The following ARL13B variants were observed in gnomAD, a reference collection of about 807,000 sequenced individuals.
ARL13B encodes the protein ADP-ribosylation factor-like protein 13B.
A neutral mutation model predicts 56.1 loss-of-function variants in ARL13B; 36 were observed. The ratio of observed to expected loss-of-function variants is 0.64; its 90% CI spans 0.49 to 0.85. The LOEUF (loss-of-function observed/expected upper bound fraction) is 0.85. Among genes scored for constraint, ARL13B ranks in the 40% least tolerant of loss-of-function variants. The probability of loss-of-function intolerance (pLI) is 0.00; values close to 1 mark genes in which losing one functional copy is unlikely to be tolerated. For synonymous variants in ARL13B, 178 were observed against 171.1 expected, an observed-to-expected ratio of 1.04 and a Z score of -0.32; for missense variants, 519 against 507.1, an observed-to-expected ratio of 1.02 and a Z score of -0.23.
intron 3 of ARL13B, among the ~76,000 whole-genome samples, chr3:94,015,495 G>A (rs2107492618): frequency 6.6e-6 from 1 of 152,294 alleles, no homozygotes; most frequent in East Asian, 1.9e-4. Flanking sequence ...CTTTGCATGT[G>A]AGTGCTATTT....
At chr3:94,040,096 TGA>T in intron 6 of ARL13B, 108 bp downstream of exon 6, 1 of 899,454 alleles carries the variant, frequency 1.1e-6, no homozygotes, top group Non-Finnish European at 1.8e-6. Flanking sequence ...GTGTTTCTTC[TGA>T]GAGATTATTT....
At chr3:94,045,957 A>G (rs572874511) in intron 7 of ARL13B, among the ~76,000 whole-genome samples, 1 of 147,516 alleles carries the variant, frequency 6.8e-6, no homozygotes, top group African/African-American at 2.4e-5. Flanking sequence ...TCACAAAAAA[A>G]AAAAAAAAAA....
chr3:94,018,327 T>C (rs1004552062), intron 3 of ARL13B, among the ~76,000 whole-genome samples: 1 of 152,180 alleles, frequency 6.6e-6, no homozygotes, highest in Non-Finnish European at 1.5e-5. Flanking sequence ...TCAGGATATA[T>C]TTTTGAAACT....
At chr3:94,037,171 A>G (rs1357837355) in intron 5 of ARL13B, among the ~76,000 whole-genome samples, 5 of 152,196 alleles carry the variant, frequency 3.3e-5, no homozygotes, top group Admixed American at 3.3e-4. Flanking sequence ...TAAACATCCT[A>G]TGACACACAG....
chr3:94,045,749 A>T (rs570948815), intron 7 of ARL13B, among the ~76,000 whole-genome samples: 112 of 151,874 alleles, frequency 7.4e-4, no homozygotes, highest in African/African-American at 2.7e-3. Flanking sequence ...GATCACGAGG[A>T]CAGGAGATCG....
intron 5 of ARL13B, among the ~76,000 whole-genome samples, chr3:94,038,938 C>T (rs1227704037): frequency 6.6e-6 from 1 of 152,112 alleles, no homozygotes; most frequent in African/African-American, 2.4e-5. Context: ...CTGAATGATA[C>T]ATATGGTAAC....
intron 2 of ARL13B, among the ~76,000 whole-genome samples, chr3:93,999,629 G>A (rs1296936854): frequency 2.0e-5 from 3 of 151,996 alleles, no homozygotes; most frequent in Non-Finnish European, 2.9e-5. Flanking sequence ...ACTATAGTCT[G>A]CCTGTTGTGC....
At chr3:93,981,716 T>C (rs1710224440) in intron 1 of ARL13B, among the ~76,000 whole-genome samples, 1 of 151,604 alleles carries the variant, frequency 6.6e-6, no homozygotes, top group East Asian at 1.9e-4. Context: ...ACCCCGTTTC[T>C]ACAATAAAAT....
At chr3:94,003,636 T>C in intron 2 of ARL13B, 23 bp from the exon 3 acceptor site, 2 of 1,610,234 alleles carry the variant, frequency 1.2e-6, no homozygotes, top group Non-Finnish European at 1.7e-6. Flanking sequence ...AGATTTTCTT[T>C]TTTTGTGTAT....
chr3:93,987,087 C>T (rs547618177), intron 1 of ARL13B, among the ~76,000 whole-genome samples: 47 of 152,050 alleles, frequency 3.1e-4, no homozygotes, highest in Non-Finnish European at 6.2e-4. Flanking sequence ...TAATGTCATT[C>T]AGGAAAGATT....
At chr3:93,997,601 T>C (rs1337395559) in intron 2 of ARL13B, among the ~76,000 whole-genome samples, 1 of 152,238 alleles carries the variant, frequency 6.6e-6, no homozygotes, top group Non-Finnish European at 1.5e-5. Context: ...TGTAAAGAGC[T>C]GAGTAGTAAA....
At chr3:94,011,353 A>G (rs1263465497) in intron 3 of ARL13B, among the ~76,000 whole-genome samples, 2 of 152,140 alleles carry the variant, frequency 1.3e-5, no homozygotes, top group Non-Finnish European at 1.5e-5. Context: ...AAGTTATCAT[A>G]ACTGCCTGGT....
rs572418667 is a variant in ARL13B, at chr3:94,049,360, G to A, written c.1025-46G>A. On this transcript the variant is annotated intron_variant, in intron 7 of 9. Transcript: ENST00000394222. ...ATTCTTTGTTTTCTATTATAAAAGT[G>A]CACTTTTTCATAAAGACATGAAGTT... 5.5e-4 allele frequency: 625 copies of A among 1,134,416 alleles called. 13 individuals are homozygous for A. In the South Asian group the frequency reaches 7.6e-3, roughly 14 times the overall value. 70.3% of individuals were successfully genotyped at this position (1,134,416 alleles called of 1,614,324 possible). A position where few individuals can be genotyped will look rare whatever the true frequency, so the allele number is the denominator to read the frequency against.
At chr3:94,018,358 A>G (rs576540274) in intron 3 of ARL13B, among the ~76,000 whole-genome samples, 29 of 152,304 alleles carry the variant, frequency 1.9e-4, no homozygotes, top group African/African-American at 6.7e-4. Flanking sequence ...GGACTTGATG[A>G]TTTTAACCCA....
intron 1 of ARL13B, 63 bp from the exon 2 acceptor site, chr3:93,995,811 A>G: frequency 2.8e-6 from 4 of 1,431,636 alleles, no homozygotes; most frequent in Non-Finnish European, 2.9e-6. Flanking sequence ...ATGAATTTGC[A>G]TTTATTTTTC....
intron 2 of ARL13B, chr3:93,996,813 A>G: frequency 1.2e-5 from 2 of 169,676 alleles, no homozygotes; most frequent in South Asian, 2.6e-4. Context: ...GTGGACCAAT[A>G]TCTGTCTGTG....
intron 2 of ARL13B, among the ~76,000 whole-genome samples, chr3:94,000,036 A>G (rs1213601911): frequency 6.6e-6 from 1 of 152,166 alleles, no homozygotes; most frequent in Non-Finnish European, 1.5e-5. Context: ...AGGGGAGGCC[A>G]TCCTCCTTTT....
intron 8 of ARL13B, among the ~76,000 whole-genome samples, chr3:94,049,750 T>C (rs2077040928): frequency 6.6e-6 from 1 of 152,038 alleles, no homozygotes; most frequent in African/African-American, 2.4e-5. Context: ...TAAAAACTAT[T>C]AAGAAAATTT....
chr3:94,034,080 A>G (rs186942439), intron 3 of ARL13B, among the ~76,000 whole-genome samples: 14 of 152,286 alleles, frequency 9.2e-5, no homozygotes, highest in Non-Finnish European at 2.1e-4. Context: ...GAGAATATTG[A>G]GTAAATTGAG....
Sources: gnomAD v4.1 joint callset for allele counts (sites outside exome capture counted in the v4.1 genomes callset) on GRCh38, gnomAD v4.1.1 for gene constraint, MANE v1.5 for transcripts, NCBI Gene and HGNC (gene_info 2026-07-23, HGNC 2026-07-21) for gene names.